Variants in GRAP2 observed in about 807,000 individuals in gnomAD.
GRAP2 encodes GRB2 related adaptor protein 2.
A neutral mutation model predicts 43.5 loss-of-function variants in GRAP2; 31 were observed. The observed-to-expected ratio is 0.71, with a 90% CI of 0.54 to 0.96. The LOEUF (loss-of-function observed/expected upper bound fraction) is 0.96, where lower values mean the gene tolerates loss of function less well. GRAP2 is among the 40% of genes least tolerant of loss of function. The pLI is 0.00. For missense variants in GRAP2, 371 were observed against 424.4 expected (o/e 0.87, Z 1.11); for synonymous variants, 156 against 164.8 (o/e 0.95, Z 0.41).
At chr22:39,920,919 A>T (rs1601697549) in intron 1 of GRAP2, among the ~76,000 whole-genome samples, 2 of 150,558 alleles carry the variant, frequency 1.3e-5, no homozygotes, top group African/African-American at 4.9e-5. Context: ...AATACAAAAA[A>T]TGGGTATTTA....
intron 1 of GRAP2, among the ~76,000 whole-genome samples, chr22:39,915,278 TA>T (rs1362798692): frequency 3.3e-5 from 5 of 152,156 alleles, no homozygotes; most frequent in Non-Finnish European, 5.9e-5. Context: ...CACCCTTTTT[TA>T]TTTTTGAGTT....
At chr22:39,943,358 T>C (rs1465181621) in intron 1 of GRAP2, among the ~76,000 whole-genome samples, 1 of 152,090 alleles carries the variant, frequency 6.6e-6, no homozygotes, top group Non-Finnish European at 1.5e-5. Flanking sequence ...AAGGCAAGGG[T>C]AGAAAAAATC....
rs540453567 is a variant in GRAP2 at position 39,967,764 on chromosome 22, C to T, written c.460-278C>T. ...TCAGCTTGATTACACAGAGAAAAAA[C>T]GAGCGCCCTGGAAATGGACTAAATG... On this transcript the variant is annotated intron_variant, in intron 5 of 7. Transcript: ENST00000344138. Among the ~76,000 whole-genome samples, 4 of 152,250 alleles carry T rather than the reference C, an allele frequency of 2.6e-5. No individual in the cohort carries two copies. The South Asian group carries it at 8.3e-4, about 32-fold the overall frequency.
At position 39,960,071 on chromosome 22, in the gene GRAP2, C is replaced by T. The variant is rs1207999000; in HGVS notation, c.187C>T (p.Leu63Phe). Residue 63 changes from leucine to phenylalanine, a missense_variant, in exon 4 of 8, where the codon CTC (leucine) becomes TTC (phenylalanine). Leu to Phe is a conservative substitution (Grantham distance 22). Coordinates refer to ENST00000344138, the MANE Select transcript of GRAP2 (RefSeq NM_004810.4). The part of the protein sequence containing the change: ...IQFPKWFHEG[L>F]SRHQAENLLM... ...CCCCCACAGATGGTTTCACGAAGGC[C>T]TCTCTCGACACCAGGCAGAGAACTT... 6.2e-7 allele frequency: 1 copy of T among 1,613,490 alleles called. No homozygotes were observed. The highest frequency in any genetic ancestry group is 1.1e-5 in the South Asian group (1 of 91,062).
intron 1 of GRAP2, among the ~76,000 whole-genome samples, chr22:39,928,152 A>T (rs1445090041): frequency 2.0e-5 from 3 of 152,184 alleles, no homozygotes; most frequent in South Asian, 4.1e-4. Flanking sequence ...TTTGCTTTCC[A>T]AATCTTAATG....
chr22:39,932,548 C>CAAA (rs137982), intron 1 of GRAP2, among the ~76,000 whole-genome samples: 230 of 42,276 alleles, frequency 5.4e-3, no homozygotes, highest in East Asian at 0.01. Context: ...CCTGTCTCTA[C>CAAA]AAAAAAAAAA....
At chr22:39,905,534 C>T (rs1410954838) in intron 1 of GRAP2, among the ~76,000 whole-genome samples, 1 of 152,040 alleles carries the variant, frequency 6.6e-6, no homozygotes, top group African/African-American at 2.4e-5. Context: ...CTAATGGTGC[C>T]TATCTCGTGG....
At chr22:39,929,347 T>G (rs1419443260) in intron 1 of GRAP2, among the ~76,000 whole-genome samples, 1 of 152,244 alleles carries the variant, frequency 6.6e-6, no homozygotes, top group African/African-American at 2.4e-5. Context: ...CTTATGTCCC[T>G]GGCTGGACAA....
At chr22:39,917,849 G>A (rs932150821) in intron 1 of GRAP2, among the ~76,000 whole-genome samples, 4 of 152,084 alleles carry the variant, frequency 2.6e-5, no homozygotes, top group African/African-American at 9.7e-5. Context: ...TATTTGATTC[G>A]TATAAGGATC....
chr22:39,952,112 C>T (rs757266848), intron 2 of GRAP2, among the ~76,000 whole-genome samples: 6 of 151,584 alleles, frequency 4.0e-5, no homozygotes, highest in East Asian at 3.9e-4. Context: ...CTGCAACCTC[C>T]GCCTCCTGGG....
At position 39,947,082 on chromosome 22, in the gene GRAP2, T is replaced by G; in HGVS notation, c.-14-11T>G. ...CAGAGAGGCACAATGACCACATTAT[T>G]TCTCTTCCAGCTTCACGTTACAGCA... On this transcript the variant is annotated splice_polypyrimidine_tract_variant and intron_variant, in intron 1 of 7. Coordinates refer to ENST00000344138, the MANE Select transcript of GRAP2 (RefSeq NM_004810.4). The G allele has an allele frequency of 6.6e-7, 1 of 1,514,826 alleles. No homozygotes were observed. The highest frequency in any genetic ancestry group is 1.1e-5 in the South Asian group (1 of 89,044). 93.8% of individuals were successfully genotyped at this position (1,514,826 alleles called of 1,614,324 possible). A position where few individuals can be genotyped will look rare whatever the true frequency, so the allele number is the denominator to read the frequency against.
At chr22:39,905,142 CAG>C (rs1203250797) in intron 1 of GRAP2, among the ~76,000 whole-genome samples, 1 of 152,100 alleles carries the variant, frequency 6.6e-6, no homozygotes, top group Non-Finnish European at 1.5e-5. Flanking sequence ...CGAGTACTCT[CAG>C]GGGGTATCTC....
At chr22:39,927,972 T>A (rs962537238) in intron 1 of GRAP2, among the ~76,000 whole-genome samples, 1 of 152,148 alleles carries the variant, frequency 6.6e-6, no homozygotes, top group African/African-American at 2.4e-5. Context: ...GGTCCACAAA[T>A]AAATAGGGAG....
At chr22:39,914,369 G>A (rs983968618) in intron 1 of GRAP2, among the ~76,000 whole-genome samples, 1 of 152,024 alleles carries the variant, frequency 6.6e-6, no homozygotes, top group African/African-American at 2.4e-5. Flanking sequence ...CCTCACCTAA[G>A]AACAATAGAG....
chr22:39,969,344 G>A (rs2067213540), intron 6 of GRAP2, 67 bp from the exon 7 acceptor site: 2 of 1,578,390 alleles, frequency 1.3e-6, no homozygotes, highest in African/African-American at 1.3e-5. Context: ...TCTGAGCAAG[G>A]CACTGGGGGA....
At chr22:39,904,184 T>G (rs927377291) in intron 1 of GRAP2, among the ~76,000 whole-genome samples, 4 of 151,848 alleles carry the variant, frequency 2.6e-5, no homozygotes, top group Non-Finnish European at 5.9e-5. Context: ...AGGTCAGGAG[T>G]TGGAGACAAG....
chr22:39,931,103 C>A (rs984792791), intron 1 of GRAP2, among the ~76,000 whole-genome samples: 1 of 152,066 alleles, frequency 6.6e-6, no homozygotes, highest in Admixed American at 6.6e-5. Context: ...CTAGTCCACA[C>A]TGGATCTTCA....
intron 1 of GRAP2, among the ~76,000 whole-genome samples, chr22:39,944,865 C>G (rs1341955790): frequency 1.3e-5 from 2 of 152,184 alleles, no homozygotes; most frequent in Non-Finnish European, 2.9e-5. Flanking sequence ...TTGCCCTTCC[C>G]TTGTCTCCAT....
intron 1 of GRAP2, among the ~76,000 whole-genome samples, chr22:39,919,868 T>A (rs1276681664): frequency 6.6e-6 from 1 of 152,252 alleles, no homozygotes. Context: ...TTGTTTTAAG[T>A]GCCTGATATG....
Sources: allele counts gnomAD v4.1 joint callset (sites outside exome capture counted in the v4.1 genomes callset), GRCh38; gene constraint gnomAD v4.1.1; transcripts MANE v1.5; gene names NCBI Gene and HGNC (gene_info 2026-07-23, HGNC 2026-07-21).